Variants in CCDC148 observed in about 807,000 individuals in gnomAD.
CCDC148 encodes the protein coiled-coil domain-containing protein 148.
In CCDC148, 89 loss-of-function variants were observed where a neutral mutation model predicts 85.7. The observed-to-expected ratio is 1.04, with a 90% CI of 0.87 to 1.24. The LOEUF (loss-of-function observed/expected upper bound fraction) is 1.24. CCDC148 is among the 50% of genes most tolerant of loss of function. CCDC148 has a pLI of 0.00. For missense variants in CCDC148, 692 were observed against 671.7 expected (o/e 1.03, Z -0.33); for synonymous variants, 230 against 213.9 (o/e 1.08, Z -0.66).
At chr2:158,262,906 G>A (rs567559912) in intron 9 of CCDC148, among the ~76,000 whole-genome samples, 4 of 152,020 alleles carry the variant, frequency 2.6e-5, no homozygotes, top group South Asian at 2.1e-4. Context: ...AAGAAAACTC[G>A]GATTGGCAAT....
chr2:158,228,178 A>T (rs1250898539), intron 10 of CCDC148, among the ~76,000 whole-genome samples: 1 of 152,222 alleles, frequency 6.6e-6, no homozygotes, highest in African/African-American at 2.4e-5. Context: ...AAAATAAGAC[A>T]TTTATGCAGC....
At chr2:158,349,378 T>G (rs902377065) in intron 2 of CCDC148, among the ~76,000 whole-genome samples, 1 of 151,988 alleles carries the variant, frequency 6.6e-6, no homozygotes, top group Non-Finnish European at 1.5e-5. Context: ...TACAAATATT[T>G]AGAGAGAATG....
At chr2:158,260,073 T>C (rs191668248) in intron 9 of CCDC148, among the ~76,000 whole-genome samples, 1 of 152,092 alleles carries the variant, frequency 6.6e-6, no homozygotes, top group Admixed American at 6.6e-5. Flanking sequence ...AATCAATTGA[T>C]TTATTTTCTT....
intron 11 of CCDC148, among the ~76,000 whole-genome samples, chr2:158,210,050 C>T (rs1209968229): frequency 6.6e-6 from 1 of 152,124 alleles, no homozygotes; most frequent in Non-Finnish European, 1.5e-5. Context: ...CATTGGTGTG[C>T]TCTATTCAAG....
intron 1 of CCDC148, among the ~76,000 whole-genome samples, chr2:158,440,621 C>A (rs767054747): frequency 1.8e-4 from 28 of 152,156 alleles, no homozygotes; most frequent in Non-Finnish European, 3.1e-4. Context: ...AAAAGATTAA[C>A]AAAATAACCA....
chr2:158,182,909 G>A (rs1574352120), intron 11 of CCDC148, among the ~76,000 whole-genome samples: 1 of 152,192 alleles, frequency 6.6e-6, no homozygotes, highest in African/African-American at 2.4e-5. Context: ...TCAATCATTT[G>A]GAAATTTTTC....
intron 1 of CCDC148, among the ~76,000 whole-genome samples, chr2:158,387,762 T>C (rs553435843): frequency 1.3e-5 from 2 of 152,118 alleles, no homozygotes; most frequent in African/African-American, 4.8e-5. Flanking sequence ...ACTGACACAG[T>C]GCACTAGTCA....
intron 1 of CCDC148, among the ~76,000 whole-genome samples, chr2:158,429,728 A>G (rs1300232042): frequency 1.3e-5 from 2 of 152,202 alleles, no homozygotes; most frequent in Non-Finnish European, 1.5e-5. Context: ...TTACCCTTCC[A>G]CTGTAACCAA....
At chr2:158,241,249 G>T (rs1172261269) in intron 10 of CCDC148, among the ~76,000 whole-genome samples, 1 of 152,178 alleles carries the variant, frequency 6.6e-6, no homozygotes, top group African/African-American at 2.4e-5. Flanking sequence ...ATGCACAAAT[G>T]TATTTAATTT....
rs529393762 is a variant in CCDC148, at chr2:158,417,968, T to C, written c.25+38447A>G. On this transcript the variant is annotated intron_variant, in intron 1 of 13. Transcript: ENST00000283233. ...TTTGGCAAATGATTTTTTAAAAATATGCATAGTTCAAATCTAAAACAACTA... is the reference window on the plus strand; with the variant it reads ...TTTGGCAAATGATTTTTTAAAAATACGCATAGTTCAAATCTAAAACAACTA... Among the ~76,000 whole-genome samples the C allele has an allele frequency of 7.9e-5, 12 of 152,322 alleles. No individual in the cohort carries two copies. The East Asian group carries it at 1.7e-3, about 22-fold the overall frequency.
intron 7 of CCDC148, among the ~76,000 whole-genome samples, chr2:158,329,247 C>T (rs1409457601): frequency 5.3e-5 from 8 of 152,142 alleles, no homozygotes; most frequent in Admixed American, 2.0e-4. Context: ...AGCCAGTTTT[C>T]CCAGCACCAT....
Position 158,250,858 on chromosome 2 carries a change from A to C in CCDC148, c.1165T>G (p.Ser389Ala). The change falls in exon 10 of 14, where the codon TCT becomes GCT. Residue 389 changes from serine to alanine, a missense_variant. Physicochemically the swap from Ser to Ala is moderately conservative, Grantham distance 99. Coordinates refer to ENST00000283233, the MANE Select transcript of CCDC148 (RefSeq NM_138803.4). ...TCTTCCTTTTCTCTTCTTCTGGCAG[A>C]AATTTCCATTTCCAGTCTTGCTACC... ...EEVARLEMEI[S>A]ARRREKEEEK... The C allele has an allele frequency of 6.2e-7, 1 of 1,608,020 alleles. No individual in the cohort carries two copies. Among genetic ancestry groups the C allele is most frequent in the Non-Finnish European group, 8.5e-7 (1 of 1,178,638 alleles).
chr2:158,253,492 T>C (rs183708955), intron 9 of CCDC148, among the ~76,000 whole-genome samples: 1 of 151,686 alleles, frequency 6.6e-6, no homozygotes, highest in African/African-American at 2.4e-5. Context: ...TTTATCTCTC[T>C]TGTCTTATTT....
intron 9 of CCDC148, among the ~76,000 whole-genome samples, chr2:158,256,863 T>A (rs527734400): frequency 3.4e-4 from 51 of 151,858 alleles, no homozygotes; most frequent in African/African-American, 1.2e-3. Context: ...GTCCCTATTC[T>A]ATTACAGCAC....
chr2:158,219,941 T>A (rs1400443624), intron 11 of CCDC148, among the ~76,000 whole-genome samples: 1 of 152,190 alleles, frequency 6.6e-6, no homozygotes. Flanking sequence ...CCTGTTAGAG[T>A]TTATCATTTT....
intron 2 of CCDC148, among the ~76,000 whole-genome samples, chr2:158,358,158 G>A (rs1683755911): frequency 6.6e-6 from 1 of 152,154 alleles, no homozygotes; most frequent in Admixed American, 6.6e-5. Flanking sequence ...TTCAGATTAA[G>A]TTGGAAGTTG....
At chr2:158,443,515 A>AAGAAAAGAAAAG (rs1553524473) in intron 1 of CCDC148, among the ~76,000 whole-genome samples, 6,231 of 100,992 alleles carry the variant, frequency 0.062, 257 homozygotes, top group Middle Eastern at 0.16. Flanking sequence ...AAAAAAAAAA[A>AAGAAAAGAAAAG]AAAAAAAAGA....
At chr2:158,349,866 G>T (rs558268052) in intron 2 of CCDC148, among the ~76,000 whole-genome samples, 1 of 152,216 alleles carries the variant, frequency 6.6e-6, no homozygotes, top group South Asian at 2.1e-4. Context: ...ATTCCAAAAT[G>T]CTTTAAAAGG....
intron 11 of CCDC148, among the ~76,000 whole-genome samples, chr2:158,217,592 G>A (rs1048216907): frequency 6.6e-6 from 1 of 151,902 alleles, no homozygotes; most frequent in East Asian, 1.9e-4. Flanking sequence ...TTTTAGTAGA[G>A]ACAGGGTTTC....
Sources: gnomAD v4.1 joint callset for allele counts (sites outside exome capture counted in the v4.1 genomes callset) on GRCh38, gnomAD v4.1.1 for gene constraint, MANE v1.5 for transcripts, NCBI Gene and HGNC (gene_info 2026-07-23, HGNC 2026-07-21) for gene names.